The following KCNH7 variants were observed in gnomAD, a reference collection of about 807,000 sequenced individuals.
KCNH7 encodes the protein potassium voltage-gated channel subfamily H member 7.
KCNH7 carries 49 observed loss-of-function variants against 120.8 expected under a neutral mutation model. The ratio of observed to expected loss-of-function variants is 0.41; its 90% CI spans 0.32 to 0.51. KCNH7 has a LOEUF of 0.51. Ranked by LOEUF, KCNH7 falls within the 20% of genes least tolerant of loss-of-function variation. KCNH7 has a pLI of 0.38. For missense variants in KCNH7, 1,097 were observed against 1,446.6 expected, an observed-to-expected ratio of 0.76 and a Z score of 3.92; for synonymous variants, 547 against 516.1, an observed-to-expected ratio of 1.06 and a Z score of -0.81.
At chr2:162,395,524 G>A (rs550959146) in intron 11 of KCNH7, among the ~76,000 whole-genome samples, 2 of 151,558 alleles carry the variant, frequency 1.3e-5, no homozygotes, top group Non-Finnish European at 3.0e-5. Flanking sequence ...GTTTATTTGA[G>A]TACTGACTAA....
At chr2:162,680,821 G>GAGCTAAT (rs1685686237) in intron 2 of KCNH7, among the ~76,000 whole-genome samples, 1 of 151,612 alleles carries the variant, frequency 6.6e-6, no homozygotes, top group Admixed American at 6.6e-5. Flanking sequence ...AAAAATTAAA[G>GAGCTAAT]AGCTAATACT....
At chr2:162,748,061 T>C (rs1688375017) in intron 2 of KCNH7, among the ~76,000 whole-genome samples, 1 of 152,138 alleles carries the variant, frequency 6.6e-6, no homozygotes, top group Admixed American at 6.5e-5. Flanking sequence ...TGGAGATAAA[T>C]AAGAATATTT....
chr2:162,708,445 A>G (rs1686795222), intron 2 of KCNH7, among the ~76,000 whole-genome samples: 3 of 152,198 alleles, frequency 2.0e-5, no homozygotes, highest in Middle Eastern at 3.4e-3. Context: ...ACACAGGCCT[A>G]GAGGTATAAG....
In KCNH7 at chr2:162,698,687, C is replaced by T. The variant is rs941571611; in HGVS notation, c.307+137850G>A. On this transcript the variant is annotated intron_variant, in intron 2 of 15. Coordinates refer to ENST00000332142, the MANE Select transcript of KCNH7 (RefSeq NM_033272.4). ...ACTTAGAGGAAAAATTACTTTATCT[C>T]TTCAGTTCTCCTCAATGAGCCTCAA... Among the ~76,000 whole-genome samples the T allele has an allele frequency of 3.9e-5, 6 of 152,184 alleles. No individual in the cohort carries two copies. The East Asian group carries it at 5.8e-4, about 15-fold the overall frequency.
intron 2 of KCNH7, among the ~76,000 whole-genome samples, chr2:162,693,756 G>T (rs140137573): frequency 5.9e-5 from 9 of 152,264 alleles, no homozygotes; most frequent in South Asian, 2.1e-4. Context: ...CTTAATGACT[G>T]AAAAGAATGA....
At chr2:162,776,622 A>T (rs1215595705) in intron 2 of KCNH7, among the ~76,000 whole-genome samples, 1 of 152,150 alleles carries the variant, frequency 6.6e-6, no homozygotes, top group Admixed American at 6.6e-5. Flanking sequence ...AGAGCTTCAG[A>T]TCATGTAGTC....
chr2:162,466,256 G>A (rs894945495), intron 6 of KCNH7, among the ~76,000 whole-genome samples: 2 of 152,244 alleles, frequency 1.3e-5, no homozygotes, highest in Non-Finnish European at 1.5e-5. Flanking sequence ...TACTGTATTA[G>A]TTCATTCTCA....
intron 2 of KCNH7, among the ~76,000 whole-genome samples, chr2:162,611,187 G>A (rs1322486114): frequency 6.6e-6 from 1 of 152,170 alleles, no homozygotes; most frequent in African/African-American, 2.4e-5. Flanking sequence ...TGGCATTGGT[G>A]TGGACCACCA....
At chr2:162,448,010 C>T (rs1688640449) in intron 6 of KCNH7, among the ~76,000 whole-genome samples, 1 of 151,970 alleles carries the variant, frequency 6.6e-6, no homozygotes, top group Non-Finnish European at 1.5e-5. Context: ...TTTGAACCAG[C>T]CAGTTTATAG....
At chr2:162,444,356 G>A (rs1007056629) in intron 7 of KCNH7, among the ~76,000 whole-genome samples, 23 of 152,228 alleles carry the variant, frequency 1.5e-4, no homozygotes, top group Non-Finnish European at 1.9e-4. Flanking sequence ...GTAATTAAGA[G>A]TAATGCAGAA....
chr2:162,578,248 T>C (rs1383340504), intron 2 of KCNH7, among the ~76,000 whole-genome samples: 1 of 151,160 alleles, frequency 6.6e-6, no homozygotes, highest in Non-Finnish European at 1.5e-5. Flanking sequence ...TTATGAAAAA[T>C]AATTTTTTAG....
At chr2:162,825,129 G>T (rs974367271) in intron 2 of KCNH7, among the ~76,000 whole-genome samples, 1 of 151,864 alleles carries the variant, frequency 6.6e-6, no homozygotes, top group Non-Finnish European at 1.5e-5. Flanking sequence ...TGAATCTGAG[G>T]TTTGGAAAAA....
chr2:162,709,671 A>G (rs976463119), intron 2 of KCNH7, among the ~76,000 whole-genome samples: 1 of 152,100 alleles, frequency 6.6e-6, no homozygotes, highest in African/African-American at 2.4e-5. Flanking sequence ...TTTTCCCAAT[A>G]ACCCAAGGCA....
intron 13 of KCNH7, among the ~76,000 whole-genome samples, chr2:162,383,813 T>C (rs1173567536): frequency 6.6e-6 from 1 of 151,900 alleles, no homozygotes; most frequent in African/African-American, 2.4e-5. Flanking sequence ...AAAAAGTAAT[T>C]TACATGTTAT....
chr2:162,521,801 T>C (rs1275338866), intron 3 of KCNH7, among the ~76,000 whole-genome samples: 1 of 151,908 alleles, frequency 6.6e-6, no homozygotes, highest in East Asian at 1.9e-4. Flanking sequence ...TGTTAAATTA[T>C]TGTTAACTAT....
chr2:162,551,104 C>T (rs138557018), intron 2 of KCNH7, among the ~76,000 whole-genome samples: 3 of 151,982 alleles, frequency 2.0e-5, no homozygotes, highest in Admixed American at 2.0e-4. Flanking sequence ...GGGTAATTTG[C>T]CAAGATCAAA....
intron 2 of KCNH7, among the ~76,000 whole-genome samples, chr2:162,625,917 C>A (rs79941281): frequency 1.3e-5 from 2 of 151,838 alleles, no homozygotes; most frequent in Admixed American, 1.3e-4. Flanking sequence ...AATCCTAGTA[C>A]GTATTTGAAA....
At chr2:162,753,031 A>C (rs305695) in intron 2 of KCNH7, among the ~76,000 whole-genome samples, 11,950 of 127,692 alleles carry the variant, frequency 0.094, 1,715 homozygotes, top group African/African-American at 0.32. Flanking sequence ...AAGAAAAGAA[A>C]CCCTGACTAA....
intron 7 of KCNH7, among the ~76,000 whole-genome samples, chr2:162,436,548 C>A (rs1201697333): frequency 6.6e-6 from 1 of 152,056 alleles, no homozygotes; most frequent in East Asian, 1.9e-4. Flanking sequence ...ATTACAAGTT[C>A]ATTTCTTAGG....
Sources: gnomAD v4.1 joint callset for allele counts (sites outside exome capture counted in the v4.1 genomes callset) on GRCh38, gnomAD v4.1.1 for gene constraint, MANE v1.5 for transcripts, NCBI Gene and HGNC (gene_info 2026-07-23, HGNC 2026-07-21) for gene names.